The following GNAI2 variants were observed in gnomAD, a reference collection of about 807,000 sequenced individuals.
GNAI2 encodes the protein guanine nucleotide-binding protein G(i) subunit alpha-2.
GNAI2 carries 4 observed loss-of-function variants against 36.8 expected under a neutral mutation model. The ratio of observed to expected loss-of-function variants is 0.11; its 90% CI spans 0.05 to 0.25. GNAI2 has a LOEUF of 0.25. GNAI2 is among the 10% of genes least tolerant of loss of function. The pLI is 1.00. For missense variants in GNAI2, 230 were observed against 481.3 expected, an observed-to-expected ratio of 0.48 and a Z score of 4.89; for synonymous variants, 194 against 194.1, an observed-to-expected ratio of 1.00 and a Z score of 0.01.
Position 50,236,335 on chromosome 3 carries a change from G to A in GNAI2, c.-1G>A. The A allele has an allele frequency of 7.0e-7, 1 of 1,433,980 alleles. No individual in the cohort carries two copies. The highest frequency in any genetic ancestry group is 1.6e-5 in the South Asian group (1 of 63,172). The allele number at this position is 1,433,980 out of a possible 1,614,324, so 88.8% of individuals were successfully genotyped here. ...CGGCGGCCGGGCCGGCGGACGGCGG[G>A]ATGGGCTGCACCGTGAGCGCCGAGG... is the stretch of plus-strand genomic sequence containing the variant. On this transcript the variant is annotated 5_prime_UTR_variant, in exon 1 of 9. Coordinates refer to ENST00000313601, the MANE Select transcript of GNAI2 (RefSeq NM_002070.4). The surrounding 1 kb of genome is among the most constrained non-coding windows in gnomAD (Gnocchi z 4.0).
At chr3:50,257,981 A>G (rs879963734) in intron 8 of GNAI2, 3 of 344,640 alleles carry the variant, frequency 8.7e-6, no homozygotes, top group Non-Finnish European at 1.6e-5. Flanking sequence ...ACCAGAGGCC[A>G]TCCTGATGTT....
upstream of GNAI2, among the ~76,000 whole-genome samples, chr3:50,228,505 G>A (rs1012424412): frequency 4.0e-5 from 6 of 148,714 alleles, no homozygotes; most frequent in Admixed American, 6.7e-5. Flanking sequence ...AGCCAAGATC[G>A]CGCCACTGCA....
In GNAI2 at chr3:50,258,669, G is replaced by A. The variant is rs587711926; in HGVS notation, c.*326G>A. The A allele has an allele frequency of 3.3e-4, 115 of 345,694 alleles. No homozygotes were observed. The highest frequency in any genetic ancestry group is 2.3e-3 in the African/African-American group (109 of 46,554). The allele number at this position is 345,694 out of a possible 1,614,324, so 21.4% of individuals were successfully genotyped here. A position where few individuals can be genotyped will look rare whatever the true frequency, so the allele number is the denominator to read the frequency against. ...CACATGCTGAGTCTCCCAAGGCTGC[G>A]TCTGGAGGGGCCCCTGCTTCTCCAG... is the stretch of plus-strand genomic sequence containing the variant. On this transcript the variant is annotated 3_prime_UTR_variant, in exon 9 of 9. Coordinates refer to ENST00000313601, the MANE Select transcript of GNAI2 (RefSeq NM_002070.4).
rs990720485 is a variant in GNAI2, at chr3:50,253,466, C to T, written c.464+282C>T. ...CAGTCTTCTAAAGAACATTTGCGGC[C>T]GGGCGTGGTGGCTCACGCCTGTAAT... On this transcript the variant is annotated intron_variant, in intron 4 of 8. Coordinates refer to ENST00000313601, the MANE Select transcript of GNAI2 (RefSeq NM_002070.4). This position sits in a 1 kb window ranked among gnomAD's most constrained non-coding sequence, Gnocchi z 4.2. 2.7e-4 allele frequency among the ~76,000 whole-genome samples: 41 copies of T among 152,142 alleles called. No homozygotes were observed. The highest frequency in any genetic ancestry group is 5.3e-4 in the Non-Finnish European group (36 of 68,020).
At chr3:50,243,125 G>C (rs587721067) in intron 1 of GNAI2, among the ~76,000 whole-genome samples, 1 of 152,358 alleles carries the variant, frequency 6.6e-6, no homozygotes, top group African/African-American at 2.4e-5. Flanking sequence ...GGTCTAGGAG[G>C]TGAACACCTG....
intron 1 of GNAI2, chr3:50,239,565 T>C (rs1227407869): frequency 1.3e-5 from 2 of 152,202 alleles, no homozygotes; most frequent in South Asian, 2.1e-4. Context: ...AACCTGATTT[T>C]GGGTAGATGG....
At position 50,252,856 on chromosome 3, in the gene GNAI2, T is replaced by C. The variant is rs1178204777; in HGVS notation, c.304-168T>C. ...TCTAGCCTTGGTGACAGAGCTAGAC[T>C]CCGTCACAGAAAAAAGTAAACAACA... On this transcript the variant is annotated intron_variant, in intron 3 of 8. Coordinates refer to ENST00000313601, the MANE Select transcript of GNAI2 (RefSeq NM_002070.4). The surrounding 1 kb of genome is among the most constrained non-coding windows in gnomAD (Gnocchi z 4.1). 2.0e-5 allele frequency among the ~76,000 whole-genome samples: 3 copies of C among 152,034 alleles called. No individual in the cohort carries two copies. Among genetic ancestry groups the C allele is most frequent in the Non-Finnish European group, 4.4e-5 (3 of 67,984 alleles).
chr3:50,234,514 G>A (rs979105966), upstream of GNAI2, among the ~76,000 whole-genome samples: 3 of 152,022 alleles, frequency 2.0e-5, no homozygotes, highest in South Asian at 2.1e-4. Flanking sequence ...ACCACACCCC[G>A]CTAATTTTTT....
Position 50,253,009 on chromosome 3 carries a change from C to T in GNAI2, c.304-15C>T, listed in dbSNP as rs782298394. On this transcript the variant is annotated splice_polypyrimidine_tract_variant and intron_variant, in intron 3 of 8. Transcript: ENST00000313601. This position sits in a 1 kb window ranked among gnomAD's most constrained non-coding sequence, Gnocchi z 4.2. ...ACATTCCTTCAACTGCCTGACCACC[C>T]GCCACTGTGCCCAGGACGACGCCAG... The T allele has an allele frequency of 1.0e-5, 16 of 1,568,556 alleles. No individual in the cohort carries two copies. In the Admixed American group the frequency reaches 1.0e-4, roughly 10 times the overall value.
intron 1 of GNAI2, chr3:50,247,213 C>T: frequency 1.6e-6 from 1 of 621,640 alleles, no homozygotes; most frequent in East Asian, 2.8e-5. Context: ...CAGCGTTGTC[C>T]CATTTCACAG....
chr3:50,258,734 A>T lies in GNAI2; in HGVS notation c.*391A>T, dbSNP rs1205808883. On this transcript the variant is annotated 3_prime_UTR_variant, in exon 9 of 9. Transcript: ENST00000313601. ...TTTGCCCAACACCAGCCCCTGCCCC[A>T]GCCCAAGTCCAAATGTTTACAGGGA... The T allele has an allele frequency of 5.6e-6, 2 of 357,768 alleles. No individual in the cohort carries two copies. Among genetic ancestry groups the T allele is most frequent in the African/African-American group, 2.2e-5 (1 of 46,494 alleles). 22.2% of individuals were successfully genotyped at this position (357,768 alleles called of 1,614,324 possible). A position where few individuals can be genotyped will look rare whatever the true frequency, so the allele number is the denominator to read the frequency against.
At chr3:50,231,039 C>T (rs1483524393) in intron 1 of GNAI2, 3 of 764,618 alleles carry the variant, frequency 3.9e-6, no homozygotes, top group Non-Finnish European at 3.2e-6. Context: ...TCTCGCTAGC[C>T]CTTCCCCAGA....
At position 50,253,035 on chromosome 3, in the gene GNAI2, G is replaced by A. The variant is rs782812286; in HGVS notation, c.315G>A (p.Arg105=). 3.5e-5 allele frequency: 55 copies of A among 1,586,242 alleles called. No individual in the cohort carries two copies. Among genetic ancestry groups the A allele is most frequent in the Non-Finnish European group, 3.6e-5 (42 of 1,158,232 alleles). ...GCCACTGTGCCCAGGACGACGCCAGGCAGCTATTTGCACTGTCCTGCACCG... is the reference window on the plus strand; with the variant it reads ...GCCACTGTGCCCAGGACGACGCCAGACAGCTATTTGCACTGTCCTGCACCG... The part of the protein sequence containing the change: ...FADPSRADDA[R]QLFALSCTAE... The change falls in exon 4 of 9, where the codon AGG becomes AGA. Residue 105 remains arginine, a synonymous_variant. Transcript: ENST00000313601. The surrounding 1 kb of genome is among the most constrained non-coding windows in gnomAD (Gnocchi z 4.2).
chr3:50,249,425 G>T (rs1700500624), intron 1 of GNAI2, among the ~76,000 whole-genome samples: 1 of 152,192 alleles, frequency 6.6e-6, no homozygotes. Flanking sequence ...ATTGGCAGGT[G>T]GAGGAGTGTT....
chr3:50,253,224 T>C lies in GNAI2; in HGVS notation c.464+40T>C. The C allele has an allele frequency of 6.5e-7, 1 of 1,540,278 alleles. No individual in the cohort carries two copies. The highest frequency in any genetic ancestry group is 8.9e-7 in the Non-Finnish European group (1 of 1,122,870). ...GGGCTGGGCAGGGCAGGGCAGGGGCTGGGGGAGGACTAAAGGCTGGACCGG... is the reference window on the plus strand; with the variant it reads ...GGGCTGGGCAGGGCAGGGCAGGGGCCGGGGGAGGACTAAAGGCTGGACCGG... On this transcript the variant is annotated intron_variant, in intron 4 of 8. Coordinates refer to ENST00000313601, the MANE Select transcript of GNAI2 (RefSeq NM_002070.4). This position sits in a 1 kb window ranked among gnomAD's most constrained non-coding sequence, Gnocchi z 4.2.
rs377547544 is a variant in GNAI2, at chr3:50,236,481, T to C, written c.118+28T>C. ...GAGGCCGCGTCCCGCACTGGGATCC[T>C]TGATTCCCAGCTCGAATCCCCAGAC... is the stretch of plus-strand genomic sequence containing the variant. On this transcript the variant is annotated intron_variant, in intron 1 of 8. Coordinates refer to ENST00000313601, the MANE Select transcript of GNAI2 (RefSeq NM_002070.4). This position sits in a 1 kb window ranked among gnomAD's most constrained non-coding sequence, Gnocchi z 4.0. 2.3e-4 allele frequency: 363 copies of C among 1,561,520 alleles called. 1 individual carries two copies. The highest frequency in any genetic ancestry group is 2.9e-4 in the Non-Finnish European group (331 of 1,159,056).
chr3:50,248,473 C>T lies in GNAI2; in HGVS notation c.119-3627C>T, dbSNP rs587743403. ...TGGGCTGCCCGAGAGCTCTTCACCCCACCCATTCCACCCAGATGCCATCCT... is the reference window on the plus strand; with the variant it reads ...TGGGCTGCCCGAGAGCTCTTCACCCTACCCATTCCACCCAGATGCCATCCT... On this transcript the variant is annotated intron_variant, in intron 1 of 8. Transcript: ENST00000313601. Among the ~76,000 whole-genome samples the T allele has an allele frequency of 2.0e-5, 3 of 152,290 alleles. No homozygotes were observed. The South Asian group carries it at 6.2e-4, about 32-fold the overall frequency.
upstream of GNAI2, chr3:50,227,113 G>T: frequency 7.3e-7 from 1 of 1,373,396 alleles, no homozygotes; most frequent in Non-Finnish European, 9.4e-7. This position sits in a 1 kb window ranked among gnomAD's most constrained non-coding sequence, Gnocchi z 5.9. Flanking sequence ...GCGAGAAGGA[G>T]GGAGCGTCTC....
upstream of GNAI2, chr3:50,235,895 A>C: frequency 6.5e-6 from 1 of 152,858 alleles, no homozygotes; most frequent in Non-Finnish European, 1.5e-5. Context: ...CTGTCCAGCA[A>C]CAGAGCTCCC....
Sources: gnomAD v4.1 joint callset for allele counts (sites outside exome capture counted in the v4.1 genomes callset) on GRCh38, gnomAD v4.1.1 for gene constraint, Gnocchi (gnomAD v3.1) non-coding constraint, MANE v1.5 for transcripts, NCBI Gene and HGNC (gene_info 2026-07-23, HGNC 2026-07-21) for gene names.